Variants in CD109 observed in about 807,000 individuals in gnomAD.
CD109 encodes the protein CD109 antigen.
A neutral mutation model predicts 165.8 loss-of-function variants in CD109; 149 were observed. The ratio of observed to expected loss-of-function variants is 0.90; its 90% CI spans 0.79 to 1.03. The LOEUF is 1.03. Among genes scored for constraint, CD109 ranks in the 50% least tolerant of loss-of-function variants. The pLI is 0.00. For missense variants in CD109, 1,712 were observed against 1,677.8 expected (o/e 1.02, Z -0.36); for synonymous variants, 585 against 592.1 (o/e 0.99, Z 0.18).
chr6:73,731,781 T>C (rs1173478116), intron 4 of CD109, among the ~76,000 whole-genome samples: 2 of 152,240 alleles, frequency 1.3e-5, no homozygotes, highest in Non-Finnish European at 2.9e-5. Flanking sequence ...CTAGAAAATA[T>C]GTAATAATAA....
chr6:73,750,458 C>T (rs1326366888), intron 5 of CD109, among the ~76,000 whole-genome samples: 1 of 152,114 alleles, frequency 6.6e-6, no homozygotes, highest in East Asian at 1.9e-4. Context: ...GCTGCAGAGG[C>T]CTCAAAGGGA....
intron 3 of CD109, among the ~76,000 whole-genome samples, chr6:73,724,007 C>T (rs562144130): frequency 1.5e-3 from 226 of 152,244 alleles, no homozygotes; most frequent in African/African-American, 5.2e-3. Context: ...AAGAGCAGTG[C>T]CATGCTGAGA....
the CD109 span, among the ~76,000 whole-genome samples, chr6:73,681,323 T>TG: frequency 7.5e-6 from 1 of 133,844 alleles, no homozygotes; most frequent in South Asian, 2.6e-4. Context: ...ACAGTTACCA[T>TG]TTGTGTGTGT....
chr6:73,795,400 G>A (rs1309095994), intron 23 of CD109, among the ~76,000 whole-genome samples: 1 of 152,100 alleles, frequency 6.6e-6, no homozygotes, highest in Non-Finnish European at 1.5e-5. Context: ...TACTTTTGCT[G>A]TGGATCAGCA....
At chr6:73,800,163 T>C in intron 23 of CD109, among the ~76,000 whole-genome samples, 1 of 152,158 alleles carries the variant, frequency 6.6e-6, no homozygotes, top group East Asian at 1.9e-4. Flanking sequence ...CTCGCCTCAT[T>C]TCCCCTTTTT....
At chr6:73,751,564 G>T (rs1773189447) in intron 5 of CD109, among the ~76,000 whole-genome samples, 1 of 152,132 alleles carries the variant, frequency 6.6e-6, no homozygotes, top group African/African-American at 2.4e-5. Flanking sequence ...TGAACATTCA[G>T]GAGATGCAGA....
intron 15 of CD109, among the ~76,000 whole-genome samples, chr6:73,774,618 G>A (rs1483323597): frequency 2.6e-5 from 4 of 152,286 alleles, no homozygotes; most frequent in Admixed American, 2.0e-4. Context: ...TGCACAGGCC[G>A]TCTGAGCTGC....
intron 7 of CD109, among the ~76,000 whole-genome samples, chr6:73,760,407 A>AG: frequency 1.2e-5 from 1 of 84,632 alleles, no homozygotes; most frequent in Non-Finnish European, 2.2e-5. Context: ...ACCCCGTCTC[A>AG]AAAAAAAAAA....
At chr6:73,718,736 A>G (rs80122086) in intron 2 of CD109, among the ~76,000 whole-genome samples, 6,686 of 152,236 alleles carry the variant, frequency 0.044, 185 homozygotes, top group East Asian at 0.1. Context: ...TTGTAAAATA[A>G]GGGTAATAAT....
intron 23 of CD109, among the ~76,000 whole-genome samples, chr6:73,794,135 T>G (rs1240005872): frequency 6.6e-6 from 1 of 152,208 alleles, no homozygotes; most frequent in African/African-American, 2.4e-5. Flanking sequence ...TAAATCTGTT[T>G]AAATGTTTTA....
At chr6:73,748,247 C>T (rs1429352376) in intron 5 of CD109, among the ~76,000 whole-genome samples, 1 of 151,908 alleles carries the variant, frequency 6.6e-6, no homozygotes, top group African/African-American at 2.4e-5. Flanking sequence ...TGGTTTTTTT[C>T]CCCTTTGCAA....
intron 10 of CD109, among the ~76,000 whole-genome samples, chr6:73,765,381 TAA>T (rs1773794934): frequency 1.3e-5 from 2 of 152,056 alleles, no homozygotes; most frequent in Admixed American, 6.6e-5. Flanking sequence ...TTCAGAAATG[TAA>T]AGTCTTGCAA....
intron 5 of CD109, among the ~76,000 whole-genome samples, chr6:73,737,497 C>A (rs1693142383): frequency 6.6e-6 from 1 of 152,144 alleles, no homozygotes; most frequent in African/African-American, 2.4e-5. Context: ...TTTTAAAGAA[C>A]ATTTGAGGCA....
intron 5 of CD109, among the ~76,000 whole-genome samples, chr6:73,753,620 A>T (rs1018452155): frequency 2.0e-5 from 3 of 152,216 alleles, no homozygotes; most frequent in African/African-American, 7.2e-5. Context: ...TTCTAGATTT[A>T]TTGGAACAAT....
In CD109 at chr6:73,806,908, G is replaced by A. The variant is rs35630075; in HGVS notation, c.3025G>A (p.Val1009Met). Reference sequence around the variant, plus strand: ...TCCTTACATAGATATTGATCAGAATGTGTTACACAGAACATACACTTGGCT... The same window carrying A: ...TCCTTACATAGATATTGATCAGAATATGTTACACAGAACATACACTTGGCT... ...ADPYIDIDQN[V>M]LHRTYTWLKG... is the part of the protein sequence containing the mutation. The change falls in exon 25 of 33, where the codon GTG becomes ATG. Residue 1009 changes from valine to methionine, a missense_variant. Transcript: ENST00000287097. The A allele has an allele frequency of 0.02, 32,055 of 1,613,792 alleles. 382 individuals carry two copies. The highest frequency in any genetic ancestry group is 0.023 in the Non-Finnish European group (27,585 of 1,179,870).
chr6:73,746,140 A>G (rs571831435), intron 5 of CD109, among the ~76,000 whole-genome samples: 1 of 152,362 alleles, frequency 6.6e-6, no homozygotes, highest in African/African-American at 2.4e-5. Flanking sequence ...CCCAGTGGTT[A>G]TATCTTATGT....
At position 73,802,684 on chromosome 6, in the gene CD109, G is replaced by A. The variant is rs1775411446; in HGVS notation, c.2879-536G>A. On this transcript the variant is annotated intron_variant, in intron 23 of 32. Coordinates refer to ENST00000287097, the MANE Select transcript of CD109 (RefSeq NM_133493.5). ...GATCTTTTAATTTACTTTAATTTGGGATATCACAGGCTTTTTTTTTTTTTT... is the reference window on the plus strand; with the variant it reads ...GATCTTTTAATTTACTTTAATTTGGAATATCACAGGCTTTTTTTTTTTTTT... 3.3e-5 allele frequency among the ~76,000 whole-genome samples: 5 copies of A among 149,858 alleles called. No homozygotes were observed. The South Asian group carries it at 1.1e-3, about 32-fold the overall frequency.
chr6:73,695,421 A>G (rs1770781352), upstream of CD109: 1 of 152,378 alleles, frequency 6.6e-6, no homozygotes, highest in Admixed American at 6.5e-5. Context: ...GATTGCTCCA[A>G]GCTTTACAGT....
rs572939370 is a variant in CD109, at chr6:73,812,262, A to G, written c.3760A>G (p.Ile1254Val). Residue 1254 changes from isoleucine to valine, a missense_variant, in exon 29 of 33, where the codon ATT becomes GTT. Ile to Val is a conservative substitution (Grantham distance 29). Coordinates refer to ENST00000287097, the MANE Select transcript of CD109 (RefSeq NM_133493.5). ...NISANGFGFA[I>V]CQLNVVYNVK... ...TTCCGCAAATGGTTTTGGATTTGCTATTTGTCAGGTATGTAACGATGCTTA... is the reference window on the plus strand; with the variant it reads ...TTCCGCAAATGGTTTTGGATTTGCTGTTTGTCAGGTATGTAACGATGCTTA... The G allele has an allele frequency of 2.4e-5, 39 of 1,604,354 alleles. No individual in the cohort carries two copies. Among genetic ancestry groups the G allele is most frequent in the African/African-American group, 2.4e-4 (18 of 74,816 alleles).
Sources: allele counts gnomAD v4.1 joint callset (sites outside exome capture counted in the v4.1 genomes callset), GRCh38; gene constraint gnomAD v4.1.1; transcripts MANE v1.5; gene names NCBI Gene and HGNC (gene_info 2026-07-23, HGNC 2026-07-21).